NEK6: variants seen among roughly 807,000 people sequenced by gnomAD.
The protein encoded by NEK6 is NIMA related kinase 6, also known as serine/threonine-protein kinase Nek6.
In NEK6, 27 loss-of-function variants were observed where a neutral mutation model predicts 43.5. The ratio of observed to expected loss-of-function variants is 0.62; its 90% CI spans 0.46 to 0.86. NEK6 has a LOEUF of 0.86. Ranked by LOEUF, NEK6 falls within the 40% of genes least tolerant of loss-of-function variation. NEK6 has a pLI of 0.00. For synonymous variants in NEK6, 167 were observed against 164.1 expected, an observed-to-expected ratio of 1.02 and a Z score of -0.14; for missense variants, 318 against 414.4, an observed-to-expected ratio of 0.77 and a Z score of 2.02.
intron 2 of NEK6, among the ~76,000 whole-genome samples, chr9:124,308,672 A>AC (rs1833386517): frequency 6.6e-6 from 1 of 152,106 alleles, no homozygotes; most frequent in African/African-American, 2.4e-5. Flanking sequence ...AAAAAAAAAA[A>AC]AAACCAGTTT....
rs531438933 is a variant in NEK6, at chr9:124,350,542, A to G, written c.832-295A>G. Among the ~76,000 whole-genome samples the G allele has an allele frequency of 4.6e-5, 7 of 152,022 alleles. No homozygotes were observed. In the East Asian group the frequency reaches 1.2e-3, roughly 25 times the overall value. The stretch of plus-strand genomic sequence containing the variant: ...CACACACACACACACAATTTGCCCA[A>G]TGGTGTGGACAGCTACAAGTTCAAA... On this transcript the variant is annotated intron_variant, in intron 9 of 9. Coordinates refer to ENST00000320246, the MANE Select transcript of NEK6 (RefSeq NM_014397.6).
chr9:124,258,228 C>A, intron 1 of NEK6, 143 bp downstream of exon 1: 1 of 979,978 alleles, frequency 1.0e-6, no homozygotes, highest in African/African-American at 1.8e-5. Flanking sequence ...GGGAGGCGGG[C>A]GCGAGTGTGG....
intron 1 of NEK6, chr9:124,292,756 A>G (rs1182853642): frequency 1.6e-5 from 20 of 1,235,616 alleles, no homozygotes; most frequent in Non-Finnish European, 2.1e-5. Context: ...GTACTGAGTC[A>G]GCAACCAGTT....
Position 124,307,086 on chromosome 9 carries a change from G to T in NEK6, c.90+5032G>T, listed in dbSNP as rs78341543. 7.4e-3 allele frequency among the ~76,000 whole-genome samples: 1,118 copies of T among 151,754 alleles called. 10 individuals are homozygous for T. Among genetic ancestry groups the T allele is most frequent in the African/African-American group, 0.026 (1,060 of 41,306 alleles). ...TGAGATTTCAGAAAATTAATTGGGC[G>T]AATGCATTTTTATTCTTTTAGCATG... On this transcript the variant is annotated intron_variant, in intron 2 of 9. Coordinates refer to ENST00000320246, the MANE Select transcript of NEK6 (RefSeq NM_014397.6).
rs189395125 is a variant in NEK6 at position 124,343,643 on chromosome 9, C to G, written c.717+3978C>G. Among the ~76,000 whole-genome samples, 1 of 152,156 alleles carries G rather than the reference C, an allele frequency of 6.6e-6. No individual in the cohort carries two copies. Among genetic ancestry groups the G allele is most frequent in the African/African-American group, 2.4e-5 (1 of 41,440 alleles). ...GCCATGTAATTGGAAAGAGGCCTCC[C>G]GCAGTCACGCCCGGAGCCTCCCGCC... On this transcript the variant is annotated intron_variant, in intron 8 of 9. Transcript: ENST00000320246. This position sits in a 1 kb window ranked among gnomAD's most constrained non-coding sequence, Gnocchi z 5.1.
chr9:124,352,346 A>G lies in NEK6; in HGVS notation c.*1399A>G, dbSNP rs891081105. 1 of 152,262 alleles carries G rather than the reference A, an allele frequency of 6.6e-6. No individual in the cohort carries two copies. Among genetic ancestry groups the G allele is most frequent in the Non-Finnish European group, 1.5e-5 (1 of 68,048 alleles). 9.4% of individuals were successfully genotyped at this position (152,262 alleles called of 1,614,324 possible). ...TCTGCTGTGACACCGTCAGCCCGAC[A>G]GTCTCTCCATATGCAGCCTTTCCTC... On this transcript the variant is annotated 3_prime_UTR_variant, in exon 10 of 10. Coordinates refer to ENST00000320246, the MANE Select transcript of NEK6 (RefSeq NM_014397.6).
chr9:124,318,789 A>G (rs1382702377), intron 4 of NEK6, among the ~76,000 whole-genome samples: 3 of 151,880 alleles, frequency 2.0e-5, no homozygotes, highest in Non-Finnish European at 4.4e-5. Flanking sequence ...CTCCCATCTC[A>G]GCCTCCTGAG....
At chr9:124,349,850 C>G (rs1309942686) in intron 9 of NEK6, among the ~76,000 whole-genome samples, 1 of 152,214 alleles carries the variant, frequency 6.6e-6, no homozygotes, top group South Asian at 2.1e-4. Flanking sequence ...CCTGTGTCAC[C>G]TGGGCTTCTC....
At chr9:124,296,985 C>T (rs892843376) in intron 1 of NEK6, among the ~76,000 whole-genome samples, 1 of 152,218 alleles carries the variant, frequency 6.6e-6, no homozygotes, top group South Asian at 2.1e-4. Context: ...GGTCACAGCC[C>T]ACATTAGTGA....
chr9:124,313,848 C>G, intron 3 of NEK6, 75 bp from the exon 4 acceptor site: 1 of 1,483,530 alleles, frequency 6.7e-7, no homozygotes, highest in Non-Finnish European at 9.4e-7. Flanking sequence ...GACTGGAAAG[C>G]AGACCCCGTG....
At chr9:124,268,241 G>C (rs1831299543) in intron 1 of NEK6, among the ~76,000 whole-genome samples, 1 of 152,226 alleles carries the variant, frequency 6.6e-6, no homozygotes, top group African/African-American at 2.4e-5. Flanking sequence ...ATTTGGACCA[G>C]CAGATAGGGA....
intron 9 of NEK6, among the ~76,000 whole-genome samples, chr9:124,350,607 A>G (rs1298840483): frequency 6.6e-6 from 1 of 152,172 alleles, no homozygotes; most frequent in Non-Finnish European, 1.5e-5. Flanking sequence ...CTCAAAGCAC[A>G]GCCTTTGGGA....
intron 2 of NEK6, 50 bp from the exon 3 acceptor site, chr9:124,312,459 C>A (rs1369198778): frequency 6.3e-7 from 1 of 1,584,520 alleles, no homozygotes; most frequent in Non-Finnish European, 8.6e-7. Flanking sequence ...CGTCCCCAGG[C>A]CTCTGCTGCA....
intron 4 of NEK6, among the ~76,000 whole-genome samples, chr9:124,320,036 G>A (rs1833989782): frequency 6.6e-6 from 1 of 152,234 alleles, no homozygotes; most frequent in South Asian, 2.1e-4. Flanking sequence ...GCCACCCCTG[G>A]GAACCAGGAT....
chr9:124,261,405 G>A (rs190998670), intron 1 of NEK6: 2 of 985,492 alleles, frequency 2.0e-6, no homozygotes, highest in East Asian at 2.3e-4. Flanking sequence ...GTTGGAGGGT[G>A]GAGAGTGGAG....
In NEK6 at chr9:124,321,441, CT is replaced by C; in HGVS notation, c.295-15del. 6.4e-7 allele frequency: 1 copy of C among 1,563,616 alleles called. No individual in the cohort carries two copies. Among genetic ancestry groups the C allele is most frequent in the Non-Finnish European group, 8.8e-7 (1 of 1,134,858 alleles). ...GTCTTCACTTGGTGCCCCCTTCCCTCTTTCCCTCCTCATGCAGCAACTGAAC... is the reference window on the plus strand; with the variant it reads ...GTCTTCACTTGGTGCCCCCTTCCCTCTTCCCTCCTCATGCAGCAACTGAAC... On this transcript the variant is annotated splice_polypyrimidine_tract_variant and intron_variant, in intron 4 of 9. Coordinates refer to ENST00000320246, the MANE Select transcript of NEK6 (RefSeq NM_014397.6).
intron 1 of NEK6, among the ~76,000 whole-genome samples, chr9:124,287,506 G>A (rs139694228): frequency 2.8e-4 from 43 of 152,316 alleles, no homozygotes; most frequent in Middle Eastern, 6.8e-3. Context: ...TGATAGTGTG[G>A]ACAAAAGTCA....
chr9:124,286,137 C>A (rs1233240085), intron 1 of NEK6, among the ~76,000 whole-genome samples: 1 of 152,174 alleles, frequency 6.6e-6, no homozygotes, highest in Non-Finnish European at 1.5e-5. Flanking sequence ...ATCGCGTGAC[C>A]CTTCAGCCCA....
intron 8 of NEK6, among the ~76,000 whole-genome samples, chr9:124,342,581 C>T (rs951658390): frequency 1.5e-4 from 23 of 152,252 alleles, no homozygotes; most frequent in Admixed American, 1.2e-3. Flanking sequence ...AGGCCAAGCA[C>T]GGGCACTTCT....
Sources: allele counts gnomAD v4.1 joint callset (sites outside exome capture counted in the v4.1 genomes callset), GRCh38; gene constraint gnomAD v4.1.1; non-coding constraint Gnocchi (gnomAD v3.1); transcripts MANE v1.5; gene names NCBI Gene and HGNC (gene_info 2026-07-23, HGNC 2026-07-21).